The following CDKAL1 variants were observed in gnomAD, a reference collection of about 807,000 sequenced individuals.
The protein encoded by CDKAL1 is CDKAL1 threonylcarbamoyladenosine tRNA methylthiotransferase.
Under a neutral mutation model 68.2 loss-of-function variants are expected in CDKAL1, and 32 were observed. The ratio of observed to expected loss-of-function variants is 0.47; its 90% CI spans 0.35 to 0.63. The LOEUF is 0.63. Among genes scored for constraint, CDKAL1 ranks in the 30% least tolerant of loss-of-function variants. CDKAL1 has a pLI of 0.00. For synonymous variants in CDKAL1, 234 were observed against 244.3 expected (o/e 0.96, Z 0.39); for missense variants, 606 against 696.7 (o/e 0.87, Z 1.47).
chr6:20,711,078 T>C (rs1181465411), intron 5 of CDKAL1, among the ~76,000 whole-genome samples: 1 of 152,188 alleles, frequency 6.6e-6, no homozygotes, highest in African/African-American at 2.4e-5. Flanking sequence ...GTGTGGCTTT[T>C]TAGTAGGATT....
chr6:21,063,291 CAG>C (rs1267723680), intron 11 of CDKAL1, among the ~76,000 whole-genome samples: 1 of 152,110 alleles, frequency 6.6e-6, no homozygotes, highest in Non-Finnish European at 1.5e-5. Context: ...TTTATGGACT[CAG>C]AGTAATACTG....
chr6:20,610,689 A>G (rs1227745037), intron 4 of CDKAL1, among the ~76,000 whole-genome samples: 1 of 152,108 alleles, frequency 6.6e-6, no homozygotes, highest in Non-Finnish European at 1.5e-5. Flanking sequence ...TATCCAAAAC[A>G]GGAAACAAAC....
intron 13 of CDKAL1, among the ~76,000 whole-genome samples, chr6:21,189,851 A>T (rs1051916493): frequency 6.6e-6 from 1 of 152,234 alleles, no homozygotes; most frequent in African/African-American, 2.4e-5. Context: ...GAGCATAAAC[A>T]GTCAGGAAAA....
At chr6:20,999,435 C>A (rs1441292419) in intron 10 of CDKAL1, among the ~76,000 whole-genome samples, 2 of 151,836 alleles carry the variant, frequency 1.3e-5, no homozygotes, top group African/African-American at 4.8e-5. Context: ...CCCTTTGTAT[C>A]CTTGGAGGAA....
At chr6:20,609,294 C>CCTTCTCCTT (rs1158256857) in intron 4 of CDKAL1, among the ~76,000 whole-genome samples, 4 of 145,744 alleles carry the variant, frequency 2.7e-5, no homozygotes, top group African/African-American at 5.3e-5. Flanking sequence ...TCCTTCTTCT[C>CCTTCTCCTT]CTTCTCCTCC....
At chr6:21,170,729 T>C (rs749800141) in intron 13 of CDKAL1, among the ~76,000 whole-genome samples, 1 of 152,320 alleles carries the variant, frequency 6.6e-6, no homozygotes, top group Middle Eastern at 3.4e-3. Flanking sequence ...GAATATGTTT[T>C]ACTGATATTT....
intron 9 of CDKAL1, among the ~76,000 whole-genome samples, chr6:20,863,119 T>C (rs948303718): frequency 1.3e-5 from 2 of 152,200 alleles, no homozygotes; most frequent in Non-Finnish European, 2.9e-5. Flanking sequence ...CAAATTTTAT[T>C]TTGGTGGGTC....
At chr6:20,986,682 G>T (rs1766477647) in intron 10 of CDKAL1, among the ~76,000 whole-genome samples, 1 of 151,776 alleles carries the variant, frequency 6.6e-6, no homozygotes. Context: ...GAATCATTAA[G>T]TGATCTCCAA....
intron 13 of CDKAL1, among the ~76,000 whole-genome samples, chr6:21,151,598 G>A (rs1166759867): frequency 1.3e-5 from 2 of 152,176 alleles, no homozygotes; most frequent in Non-Finnish European, 2.9e-5. Context: ...AACAAAAACA[G>A]TAGAGGACAT....
chr6:21,112,766 C>T (rs1032116754), intron 13 of CDKAL1, among the ~76,000 whole-genome samples: 2 of 152,166 alleles, frequency 1.3e-5, no homozygotes, highest in African/African-American at 2.4e-5. Context: ...GTGCTTTACT[C>T]AACCAGAGCA....
At chr6:21,076,036 T>C (rs9295492) in intron 12 of CDKAL1, among the ~76,000 whole-genome samples, 4 of 151,940 alleles carry the variant, frequency 2.6e-5, no homozygotes, top group Non-Finnish European at 5.9e-5. Context: ...ATATCTTTGA[T>C]TATATGTCCT....
chr6:21,171,495 G>GC (rs1357076392), intron 13 of CDKAL1, among the ~76,000 whole-genome samples: 1 of 152,140 alleles, frequency 6.6e-6, no homozygotes, highest in Non-Finnish European at 1.5e-5. Context: ...TACAGGCTGA[G>GC]CCACCCTGCC....
intron 9 of CDKAL1, among the ~76,000 whole-genome samples, chr6:20,897,616 TAA>T (rs1761762272): frequency 6.6e-6 from 1 of 152,224 alleles, no homozygotes; most frequent in Non-Finnish European, 1.5e-5. Context: ...TATATTCAGA[TAA>T]GTCTACTTTT....
At chr6:20,564,797 A>G (rs920380644) in intron 4 of CDKAL1, among the ~76,000 whole-genome samples, 2 of 152,192 alleles carry the variant, frequency 1.3e-5, no homozygotes, top group African/African-American at 2.4e-5. Flanking sequence ...CACACTGCCC[A>G]GGTTTATTCA....
intron 4 of CDKAL1, among the ~76,000 whole-genome samples, chr6:20,555,811 A>G (rs1764017421): frequency 6.6e-6 from 1 of 150,754 alleles, no homozygotes; most frequent in African/African-American, 2.4e-5. Flanking sequence ...TTTAGTAGAG[A>G]CGGGGTTTCA....
intron 4 of CDKAL1, among the ~76,000 whole-genome samples, chr6:20,571,318 A>G (rs750855514): frequency 6.6e-6 from 1 of 150,790 alleles, no homozygotes; most frequent in Non-Finnish European, 1.5e-5. Context: ...AAATTCATTC[A>G]TTCTTAGATA....
At chr6:20,905,745 C>T (rs569407296) in intron 9 of CDKAL1, among the ~76,000 whole-genome samples, 1 of 152,184 alleles carries the variant, frequency 6.6e-6, no homozygotes, top group African/African-American at 2.4e-5. Context: ...CAGATCTCTC[C>T]TCAGAAACCT....
chr6:20,781,293 A>G, intron 8 of CDKAL1, 28 bp downstream of exon 8: 1 of 1,566,896 alleles, frequency 6.4e-7, no homozygotes, highest in East Asian at 2.3e-5. Context: ...TTGCTCATAA[A>G]ATATTCAATA....
intron 12 of CDKAL1, among the ~76,000 whole-genome samples, chr6:21,088,898 T>C (rs1213699770): frequency 2.0e-5 from 3 of 152,166 alleles, no homozygotes; most frequent in Non-Finnish European, 2.9e-5. Context: ...GCCGAGATCA[T>C]GCCACTGCAC....
Sources: allele counts gnomAD v4.1 joint callset (sites outside exome capture counted in the v4.1 genomes callset), GRCh38; gene constraint gnomAD v4.1.1; transcripts MANE v1.5; gene names NCBI Gene and HGNC (gene_info 2026-07-23, HGNC 2026-07-21).